The following ADAM18 variants were observed in gnomAD, a reference collection of about 807,000 sequenced individuals.
ADAM18 encodes the protein disintegrin and metalloproteinase domain-containing protein 18.
ADAM18 carries 117 observed loss-of-function variants against 94.4 expected under a neutral mutation model. That is an observed-to-expected ratio of 1.24 (90% confidence interval 1.07 to 1.45). The LOEUF (loss-of-function observed/expected upper bound fraction) is 1.45, where lower values mean the gene tolerates loss of function less well. Ranked by LOEUF, ADAM18 falls within the 40% of genes most tolerant of loss-of-function variation. ADAM18 has a pLI of 0.00. For synonymous variants in ADAM18, 327 were observed against 291.6 expected (o/e 1.12, Z -1.24); for missense variants, 936 against 880.0 (o/e 1.06, Z -0.81).
At chr8:39,682,424 G>C (rs941785912) in intron 16 of ADAM18, among the ~76,000 whole-genome samples, 3 of 152,154 alleles carry the variant, frequency 2.0e-5, no homozygotes, top group African/African-American at 7.2e-5. Flanking sequence ...CTGAGAGGAG[G>C]CAGGCTGAGA....
intron 2 of ADAM18, among the ~76,000 whole-genome samples, chr8:39,593,641 G>A (rs1029778400): frequency 6.6e-6 from 1 of 152,098 alleles, no homozygotes; most frequent in Non-Finnish European, 1.5e-5. Flanking sequence ...AGGATACAAT[G>A]GGGAAGGATA....
intron 3 of ADAM18, among the ~76,000 whole-genome samples, chr8:39,606,952 G>T (rs193082316): frequency 6.6e-6 from 1 of 152,254 alleles, no homozygotes; most frequent in African/African-American, 2.4e-5. Flanking sequence ...ATCAGTTAAG[G>T]CAGGAACTGG....
In ADAM18 at chr8:39,663,786, A is replaced by C. The variant is rs1820915530; in HGVS notation, c.1231-9A>C. On this transcript the variant is annotated splice_polypyrimidine_tract_variant and intron_variant, in intron 12 of 19. Transcript: ENST00000265707. ...AACTGTAATAATATTTCTTCCTGTAAAATTTTAGGAATGTCAATTTAAGAA... is the reference window on the plus strand; with the variant it reads ...AACTGTAATAATATTTCTTCCTGTACAATTTTAGGAATGTCAATTTAAGAA... 1.9e-6 allele frequency: 3 copies of C among 1,592,256 alleles called. No homozygotes were observed. The highest frequency in any genetic ancestry group is 2.6e-6 in the Non-Finnish European group (3 of 1,164,986).
intron 6 of ADAM18, chr8:39,611,175 C>T (rs1819261834): frequency 1.2e-6 from 1 of 800,108 alleles, no homozygotes; most frequent in Non-Finnish European, 1.5e-6. Flanking sequence ...TATTTCAATC[C>T]ATCACCATGT....
intron 17 of ADAM18, among the ~76,000 whole-genome samples, chr8:39,693,272 C>T (rs1821831428): frequency 6.6e-6 from 1 of 151,478 alleles, no homozygotes; most frequent in Admixed American, 6.6e-5. Flanking sequence ...ACCTCAAATT[C>T]ACCAGAATGC....
chr8:39,671,798 G>T lies in ADAM18; in HGVS notation c.1525+3602G>T, dbSNP rs962912411. Among the ~76,000 whole-genome samples the T allele has an allele frequency of 4.6e-5, 7 of 152,154 alleles. No homozygotes were observed. In the East Asian group the frequency reaches 1.2e-3, roughly 25 times the overall value. ...TAGAGAAAAGGCACAGAATAATAGA[G>T]ACAGGGATGTGATGGACTTTATAAA... is the stretch of plus-strand genomic sequence containing the variant. On this transcript the variant is annotated intron_variant, in intron 14 of 19. Transcript: ENST00000265707.
intron 5 of ADAM18, 49 bp downstream of exon 5, chr8:39,609,610 T>A: frequency 7.3e-7 from 1 of 1,362,518 alleles, no homozygotes; most frequent in Non-Finnish European, 1.0e-6. Flanking sequence ...TAAGATAGTC[T>A]TTAAAACAAA....
chr8:39,601,863 T>C (rs1302434163), intron 2 of ADAM18, among the ~76,000 whole-genome samples: 1 of 152,226 alleles, frequency 6.6e-6, no homozygotes, highest in African/African-American at 2.4e-5. Flanking sequence ...ACCATCTTTC[T>C]ACTTTTTGTT....
At chr8:39,642,614 G>C (rs762329927) in intron 10 of ADAM18, among the ~76,000 whole-genome samples, 7 of 151,828 alleles carry the variant, frequency 4.6e-5, no homozygotes, top group Non-Finnish European at 1.0e-4. Flanking sequence ...ATTAGTCTAG[G>C]TGTCTGTTTT....
intron 12 of ADAM18, among the ~76,000 whole-genome samples, chr8:39,659,100 G>T (rs1446717022): frequency 1.3e-5 from 2 of 151,984 alleles, no homozygotes; most frequent in African/African-American, 4.8e-5. Flanking sequence ...TGCCTTCAGG[G>T]AAATTTGAGA....
chr8:39,716,789 T>C (rs897253928), intron 18 of ADAM18, among the ~76,000 whole-genome samples: 4 of 151,916 alleles, frequency 2.6e-5, no homozygotes, highest in African/African-American at 9.7e-5. Context: ...TTATTGAACA[T>C]GTGACATTGA....
At chr8:39,632,183 T>A (rs528330949) in intron 7 of ADAM18, among the ~76,000 whole-genome samples, 10 of 152,124 alleles carry the variant, frequency 6.6e-5, no homozygotes, top group African/African-American at 2.4e-4. Context: ...TATGTATACA[T>A]GTATTTAGTA....
At position 39,706,867 on chromosome 8, in the gene ADAM18, A is replaced by C; in HGVS notation, c.1980A>C (p.Pro660=). The change falls in exon 18 of 20, where the codon CCA becomes CCC. Residue 660 remains proline (P), a synonymous_variant. Coordinates refer to ENST00000265707, the MANE Select transcript of ADAM18 (RefSeq NM_014237.3). ...ATTGTAAATTCCAGTTTGGTTCCCCAGGGGGTAGTATTGATGATGGAAATT... is the reference window on the plus strand; with the variant it reads ...ATTGTAAATTCCAGTTTGGTTCCCCCGGGGGTAGTATTGATGATGGAAATT... ...PPDCKFQFGS[P]GGSIDDGNFQ... is the part of the protein sequence containing the mutation. The C allele has an allele frequency of 6.2e-7, 1 of 1,609,792 alleles. No homozygotes were observed. The highest frequency in any genetic ancestry group is 1.1e-5 in the South Asian group (1 of 90,714).
chr8:39,697,182 G>T (rs541687706), intron 17 of ADAM18, among the ~76,000 whole-genome samples: 1 of 151,622 alleles, frequency 6.6e-6, no homozygotes, highest in South Asian at 2.1e-4. Context: ...GCTAGCCAGT[G>T]TATTAAAATG....
intron 6 of ADAM18, among the ~76,000 whole-genome samples, chr8:39,621,467 TTTTTTA>T (rs1297086149): frequency 1.3e-5 from 2 of 152,032 alleles, no homozygotes; most frequent in East Asian, 1.9e-4. Context: ...GTTTCAATTT[TTTTTTA>T]TTTTTAAGTA....
intron 13 of ADAM18, among the ~76,000 whole-genome samples, chr8:39,665,366 G>A (rs1170903285): frequency 6.6e-6 from 1 of 152,174 alleles, no homozygotes; most frequent in African/African-American, 2.4e-5. Context: ...TATTTTGGCT[G>A]TTTTCCATTT....
intron 10 of ADAM18, among the ~76,000 whole-genome samples, chr8:39,639,846 A>G (rs1019666012): frequency 6.6e-6 from 1 of 152,024 alleles, no homozygotes; most frequent in Non-Finnish European, 1.5e-5. Context: ...AATCTATATT[A>G]CACTTGATGC....
chr8:39,720,301 T>G (rs1822711338), intron 18 of ADAM18, among the ~76,000 whole-genome samples: 1 of 151,428 alleles, frequency 6.6e-6, no homozygotes, highest in Non-Finnish European at 1.5e-5. Flanking sequence ...TGACTGCCTG[T>G]GTGGGGAGTA....
chr8:39,695,109 GTGTGTTTGATCATTCA>G (rs1182883442), intron 17 of ADAM18, among the ~76,000 whole-genome samples: 178 of 151,580 alleles, frequency 1.2e-3, no homozygotes, highest in African/African-American at 4.2e-3. Flanking sequence ...ATGTACCACA[GTGTGTTTGATCATTCA>G]TCTATTAAAG....
Sources: gnomAD v4.1 joint callset for allele counts (sites outside exome capture counted in the v4.1 genomes callset) on GRCh38, gnomAD v4.1.1 for gene constraint, MANE v1.5 for transcripts, NCBI Gene and HGNC (gene_info 2026-07-23, HGNC 2026-07-21) for gene names.